OPCML: variants seen among roughly 807,000 people sequenced by gnomAD.
OPCML encodes opioid binding protein/cell adhesion molecule like.
OPCML carries 13 observed loss-of-function variants against 37.8 expected under a neutral mutation model. That is an observed-to-expected ratio of 0.34 (90% CI 0.22 to 0.55). The LOEUF (loss-of-function observed/expected upper bound fraction) is 0.55, where lower values mean the gene tolerates loss of function less well. Ranked by LOEUF, OPCML falls within the 20% of genes least tolerant of loss-of-function variation. The pLI is 0.91. For missense variants in OPCML, 341 were observed against 435.6 expected (o/e 0.78, Z 1.93); for synonymous variants, 176 against 168.8 (o/e 1.04, Z -0.33).
At chr11:133,298,679 G>A (rs1942697610) in intron 1 of OPCML, 1 of 152,102 alleles carries the variant, frequency 6.6e-6, no homozygotes, top group Non-Finnish European at 1.5e-5. Context: ...CTCTTGACAT[G>A]GACAAATGGT....
chr11:132,785,690 G>T (rs1439425514), intron 2 of OPCML, among the ~76,000 whole-genome samples: 1 of 152,134 alleles, frequency 6.6e-6, no homozygotes, highest in Non-Finnish European at 1.5e-5. Flanking sequence ...GAATCACAGG[G>T]TGGCTTTGTA....
intron 2 of OPCML, among the ~76,000 whole-genome samples, chr11:132,871,853 T>C (rs1942807173): frequency 6.6e-6 from 1 of 152,240 alleles, no homozygotes; most frequent in Admixed American, 6.5e-5. Flanking sequence ...TGCCTTTGTT[T>C]TGTTTTTCTA....
chr11:132,753,803 C>T (rs1245533271), intron 2 of OPCML, among the ~76,000 whole-genome samples: 1 of 152,196 alleles, frequency 6.6e-6, no homozygotes, highest in East Asian at 1.9e-4. Context: ...ATTATTTCCA[C>T]TGAGCCAAAA....
intron 1 of OPCML, among the ~76,000 whole-genome samples, chr11:133,432,283 T>C (rs1946138726): frequency 6.6e-6 from 1 of 152,256 alleles, no homozygotes; most frequent in Admixed American, 6.5e-5. Context: ...GTCTTTACTC[T>C]TAAGGTCATT....
chr11:132,429,343 G>A (rs1023212489), intron 7 of OPCML, among the ~76,000 whole-genome samples: 1 of 152,230 alleles, frequency 6.6e-6, no homozygotes, highest in African/African-American at 2.4e-5. Flanking sequence ...GAAGAAAGAT[G>A]AGGGAACCAG....
intron 4 of OPCML, among the ~76,000 whole-genome samples, chr11:132,505,514 G>A (rs2096254832): frequency 6.6e-6 from 1 of 152,090 alleles, no homozygotes; most frequent in Non-Finnish European, 1.5e-5. Context: ...GCTGCTTAAG[G>A]GGCAAAAGAT....
At chr11:132,819,354 TA>T (rs5795802) in intron 2 of OPCML, among the ~76,000 whole-genome samples, 69,721 of 145,676 alleles carry the variant, frequency 0.48, 16,508 homozygotes, top group East Asian at 0.6. Flanking sequence ...TTACTTTGGT[TA>T]AAAAAAAAAA....
At chr11:132,812,648 C>T (rs1021128840) in intron 2 of OPCML, among the ~76,000 whole-genome samples, 1 of 152,168 alleles carries the variant, frequency 6.6e-6, no homozygotes, top group Admixed American at 6.5e-5. Context: ...ACATTGAGAA[C>T]TCAGCAAATA....
intron 2 of OPCML, among the ~76,000 whole-genome samples, chr11:132,683,359 A>G (rs551670001): frequency 1.3e-5 from 2 of 152,302 alleles, no homozygotes; most frequent in East Asian, 3.9e-4. Flanking sequence ...TGGGTGAGAG[A>G]GTGAGACTCT....
chr11:133,121,724 G>C (rs1232780059), intron 1 of OPCML, among the ~76,000 whole-genome samples: 4 of 152,150 alleles, frequency 2.6e-5, no homozygotes, highest in African/African-American at 9.7e-5. Flanking sequence ...AAGTTCATTT[G>C]TTTCATGCCT....
chr11:133,257,454 G>A (rs1941349946), intron 1 of OPCML, among the ~76,000 whole-genome samples: 1 of 152,152 alleles, frequency 6.6e-6, no homozygotes, highest in African/African-American at 2.4e-5. Flanking sequence ...CATTACGATC[G>A]GTTGTTTCTG....
At chr11:132,736,841 T>C (rs1416321125) in intron 2 of OPCML, among the ~76,000 whole-genome samples, 1 of 152,180 alleles carries the variant, frequency 6.6e-6, no homozygotes, top group Non-Finnish European at 1.5e-5. Flanking sequence ...GACCACCCGG[T>C]GGAACCACTC....
chr11:132,677,769 G>A (rs1232160442), intron 2 of OPCML, among the ~76,000 whole-genome samples: 2 of 151,996 alleles, frequency 1.3e-5, no homozygotes, highest in African/African-American at 4.8e-5. Context: ...ACTCAAAATG[G>A]AAAACAGATA....
chr11:133,393,781 C>T (rs1402742685), intron 1 of OPCML, among the ~76,000 whole-genome samples: 1 of 152,190 alleles, frequency 6.6e-6, no homozygotes, highest in African/African-American at 2.4e-5. Context: ...CCAAGAACAA[C>T]CCAGGTTCTA....
chr11:133,384,790 C>G (rs1232522411), intron 1 of OPCML, among the ~76,000 whole-genome samples: 1 of 152,246 alleles, frequency 6.6e-6, no homozygotes, highest in Non-Finnish European at 1.5e-5. Context: ...CAAAGCCCCT[C>G]AGAAGTGGAC....
intron 2 of OPCML, among the ~76,000 whole-genome samples, chr11:132,801,685 T>C (rs1258285156): frequency 6.6e-6 from 1 of 152,216 alleles, no homozygotes; most frequent in African/African-American, 2.4e-5. Context: ...ATTTATTTTA[T>C]CTTGAGCTTT....
At chr11:133,422,016 G>A (rs1000201339) in intron 1 of OPCML, 1 of 412,730 alleles carries the variant, frequency 2.4e-6, no homozygotes, top group Non-Finnish European at 3.3e-6. Context: ...TGTGCAGAAT[G>A]TGCATTTTTG....
intron 1 of OPCML, among the ~76,000 whole-genome samples, chr11:132,951,603 T>C (rs1322810550): frequency 6.6e-6 from 1 of 152,182 alleles, no homozygotes; most frequent in East Asian, 1.9e-4. Flanking sequence ...ATAATTGGCA[T>C]CATGCCTGGC....
intron 2 of OPCML, among the ~76,000 whole-genome samples, chr11:132,682,200 G>A (rs907132395): frequency 1.3e-5 from 2 of 152,146 alleles, no homozygotes; most frequent in Admixed American, 6.5e-5. Flanking sequence ...GAGGTTGAGA[G>A]CTATGGGCTG....
Sources: allele counts gnomAD v4.1 joint callset (sites outside exome capture counted in the v4.1 genomes callset), GRCh38; gene constraint gnomAD v4.1.1; transcripts MANE v1.5; gene names NCBI Gene and HGNC (gene_info 2026-07-23, HGNC 2026-07-21).